The following AFAP1 variants were observed in gnomAD, a reference collection of about 807,000 sequenced individuals.
AFAP1 encodes the protein actin filament-associated protein 1.
A neutral mutation model predicts 93.9 loss-of-function variants in AFAP1; 75 were observed. The observed-to-expected ratio is 0.80, with a 90% CI of 0.66 to 0.97. AFAP1 has a LOEUF of 0.97. AFAP1 is among the 50% of genes least tolerant of loss of function. The probability of loss-of-function intolerance (pLI) is 0.00; values close to 1 mark genes in which losing one functional copy is unlikely to be tolerated. For missense variants in AFAP1, 1,201 were observed against 1,050.8 expected (o/e 1.14, Z -1.98); for synonymous variants, 517 against 430.7 (o/e 1.20, Z -2.48).
intron 6 of AFAP1, among the ~76,000 whole-genome samples, chr4:7,825,536 T>A (rs1339850940): frequency 6.6e-6 from 1 of 152,178 alleles, no homozygotes; most frequent in Non-Finnish European, 1.5e-5. Context: ...GAAAATATTT[T>A]GAGCTGAATA....
intron 17 of AFAP1, among the ~76,000 whole-genome samples, chr4:7,768,125 C>G (rs549864868): frequency 6.6e-6 from 1 of 152,252 alleles, no homozygotes; most frequent in East Asian, 1.9e-4. Context: ...AGAGCCGGTA[C>G]AGGAGGACTC....
rs1157979959 is a variant in AFAP1 at position 7,772,990 on chromosome 4, G to A, written c.2083C>T (p.Leu695=). 1 of 1,611,026 alleles carries A rather than the reference G, an allele frequency of 6.2e-7. No individual in the cohort carries two copies. The highest frequency in any genetic ancestry group is 1.1e-5 in the South Asian group (1 of 91,084). Residue 695 remains leucine, a synonymous_variant, in exon 16 of 18, where the codon CTG becomes TTG. Transcript: ENST00000420658. ...VNAGRKPQAI[L]EEKLKQLEEE... ...TCCAGCTGCTTCAGCTTCTCCTCCA[G>A]GATCGCCTGCGGCTTCCTGCCTGGA...
At chr4:7,862,965 G>A (rs1325255340) in intron 3 of AFAP1, among the ~76,000 whole-genome samples, 1 of 152,194 alleles carries the variant, frequency 6.6e-6, no homozygotes, top group African/African-American at 2.4e-5. Context: ...GGCTGCTTGC[G>A]AGCTGGGCAG....
At chr4:7,768,771 TCA>T in intron 17 of AFAP1, 71 bp downstream of exon 17, 1 of 1,460,950 alleles carries the variant, frequency 6.8e-7, no homozygotes, top group Non-Finnish European at 9.1e-7. Flanking sequence ...GGCTCCCTAC[TCA>T]CACCCGAGAA....
chr4:7,904,246 G>A (rs993871256), intron 1 of AFAP1, among the ~76,000 whole-genome samples: 14 of 152,036 alleles, frequency 9.2e-5, no homozygotes, highest in Non-Finnish European at 1.8e-4. Flanking sequence ...GAGTGCACGG[G>A]GCCGACTGCT....
Position 7,793,824 on chromosome 4 carries a change from T to C in AFAP1, c.1269A>G (p.Ala423=), listed in dbSNP as rs746074025. The change falls in exon 11 of 18, where the codon GCA becomes GCG. Residue 423 remains alanine, a splice_region_variant and synonymous_variant. Transcript: ENST00000420658. ...RNGQEVAVLE[A]SSSEDMGRWI... ...ACCTGCCCATGTCTTCAGAAGAAGA[T>C]GCCTGTTGAAGTGGGAAAAAAGGTA... 2 of 1,534,806 alleles carry C rather than the reference T, an allele frequency of 1.3e-6. No individual in the cohort carries two copies. Among genetic ancestry groups the C allele is most frequent in the Non-Finnish European group, 1.8e-6 (2 of 1,124,728 alleles).
At chr4:7,787,478 T>C (rs967626053) in intron 11 of AFAP1, among the ~76,000 whole-genome samples, 1 of 152,232 alleles carries the variant, frequency 6.6e-6, no homozygotes, top group Non-Finnish European at 1.5e-5. Context: ...GACCTGTGAC[T>C]GGCATCTGAA....
chr4:7,855,159 C>T (rs1714903773), intron 4 of AFAP1, among the ~76,000 whole-genome samples: 1 of 152,204 alleles, frequency 6.6e-6, no homozygotes, highest in African/African-American at 2.4e-5. Context: ...CTGTAGCACG[C>T]ACCCAAAAAA....
chr4:7,890,772 A>G (rs1380424988), intron 1 of AFAP1, among the ~76,000 whole-genome samples: 3 of 152,236 alleles, frequency 2.0e-5, no homozygotes, highest in African/African-American at 7.2e-5. Context: ...AATGATTAAA[A>G]TTCAAATGAC....
Position 7,896,924 on chromosome 4 carries a change from G to A in AFAP1, c.-2-24844C>T, listed in dbSNP as rs187332076. Among the ~76,000 whole-genome samples the A allele has an allele frequency of 3.6e-4, 55 of 152,130 alleles. 1 individual carries two copies. Among genetic ancestry groups the A allele is most frequent in the Admixed American group, 1.4e-3 (22 of 15,294 alleles). On this transcript the variant is annotated intron_variant, in intron 1 of 17. Coordinates refer to ENST00000420658, the MANE Select transcript of AFAP1 (RefSeq NM_001134647.2). ...AGCATGTGACACGGTGTGACACGGTGTATCTATGGCCCATTCCTCTGGAAA... is the reference window on the plus strand; with the variant it reads ...AGCATGTGACACGGTGTGACACGGTATATCTATGGCCCATTCCTCTGGAAA...
At chr4:7,806,214 T>C (rs928217019) in intron 9 of AFAP1, among the ~76,000 whole-genome samples, 3 of 152,208 alleles carry the variant, frequency 2.0e-5, no homozygotes, top group African/African-American at 4.8e-5. Context: ...CGTCACTCAA[T>C]AGGCGTTGCA....
chr4:7,922,109 C>T (rs182284005), intron 1 of AFAP1, among the ~76,000 whole-genome samples: 7 of 152,214 alleles, frequency 4.6e-5, no homozygotes, highest in Admixed American at 4.6e-4. Flanking sequence ...GAGACTCCAT[C>T]TTGGAAAAAA....
At chr4:7,855,258 C>T (rs1289392987) in intron 4 of AFAP1, among the ~76,000 whole-genome samples, 1 of 152,240 alleles carries the variant, frequency 6.6e-6, no homozygotes, top group Admixed American at 6.5e-5. Flanking sequence ...ACAAGGAAGA[C>T]AGCAATCGGA....
At chr4:7,848,187 A>G (rs28680668) in intron 4 of AFAP1, among the ~76,000 whole-genome samples, 13,964 of 68,582 alleles carry the variant, frequency 0.2, 1,811 homozygotes, top group African/African-American at 0.38. Context: ...GGGAGGGAGG[A>G]AGGAAGGAAG....
intron 9 of AFAP1, among the ~76,000 whole-genome samples, chr4:7,801,373 T>A (rs1055218347): frequency 1.3e-5 from 2 of 151,934 alleles, no homozygotes; most frequent in Non-Finnish European, 2.9e-5. Flanking sequence ...TGGCACAACA[T>A]CTTCAGTATA....
At chr4:7,818,346 T>C (rs922085885) in intron 7 of AFAP1, among the ~76,000 whole-genome samples, 1 of 152,186 alleles carries the variant, frequency 6.6e-6, no homozygotes, top group Non-Finnish European at 1.5e-5. Context: ...TCTACATACA[T>C]ACATCCCATT....
chr4:7,786,977 C>T (rs950769090), intron 11 of AFAP1, among the ~76,000 whole-genome samples: 1 of 152,238 alleles, frequency 6.6e-6, no homozygotes, highest in African/African-American at 2.4e-5. Context: ...GAAATTTCCT[C>T]AACTTCTGAG....
rs1406858748 is a variant in AFAP1 at position 7,809,826 on chromosome 4, A to C, written c.905-63T>G. 8.4e-6 allele frequency: 13 copies of C among 1,548,894 alleles called. No homozygotes were observed. In the East Asian group the frequency reaches 2.3e-4, roughly 27 times the overall value. The stretch of plus-strand genomic sequence containing the variant: ...TTGTAGATATTAATTGAAAAAAAAA[A>C]CATACATCAAAACCCATTTCTTCTT... On this transcript the variant is annotated intron_variant, in intron 8 of 17. Coordinates refer to ENST00000420658, the MANE Select transcript of AFAP1 (RefSeq NM_001134647.2).
intron 1 of AFAP1, among the ~76,000 whole-genome samples, chr4:7,929,528 C>A (rs1720947291): frequency 6.6e-6 from 1 of 152,184 alleles, no homozygotes; most frequent in Non-Finnish European, 1.5e-5. Flanking sequence ...ACTCCTCCCT[C>A]AAAGTCCAAC....
Sources: allele counts gnomAD v4.1 joint callset (sites outside exome capture counted in the v4.1 genomes callset), GRCh38; gene constraint gnomAD v4.1.1; transcripts MANE v1.5; gene names NCBI Gene and HGNC (gene_info 2026-07-23, HGNC 2026-07-21).